LRRC28: variants seen among roughly 807,000 people sequenced by gnomAD.
LRRC28 encodes the protein leucine-rich repeat-containing protein 28.
A neutral mutation model predicts 45.7 loss-of-function variants in LRRC28; 39 were observed. The observed-to-expected ratio is 0.85, with a 90% CI of 0.66 to 1.12. LRRC28 has a LOEUF of 1.12. Ranked by LOEUF, LRRC28 falls within the 50% of genes most tolerant of loss-of-function variation. LRRC28 has a pLI of 0.00. For synonymous variants in LRRC28, 206 were observed against 178.8 expected (o/e 1.15, Z -1.22); for missense variants, 435 against 438.5 (o/e 0.99, Z 0.07).
At chr15:99,260,460 G>A (rs1212883163) in intron 2 of LRRC28, among the ~76,000 whole-genome samples, 2 of 152,126 alleles carry the variant, frequency 1.3e-5, no homozygotes, top group African/African-American at 4.8e-5. Flanking sequence ...TGTTTATAAT[G>A]ATGTATGTAT....
chr15:99,358,415 G>A (rs916619509), intron 7 of LRRC28, among the ~76,000 whole-genome samples: 1 of 152,066 alleles, frequency 6.6e-6, no homozygotes, highest in Non-Finnish European at 1.5e-5. Flanking sequence ...TCTCTGGAAG[G>A]CTTTAGGGAA....
Position 99,284,237 on chromosome 15 carries a change from C to T in LRRC28, c.210-3020C>T, listed in dbSNP as rs1458425554. ...GATGGTTTTGGGTACCAATAAGACC[C>T]CTGGTGATTCTAATGTGCAGTCAGG... On this transcript the variant is annotated intron_variant, in intron 3 of 9. Coordinates refer to ENST00000301981, the MANE Select transcript of LRRC28 (RefSeq NM_144598.5). Among the ~76,000 whole-genome samples, 4 of 152,034 alleles carry T rather than the reference C, an allele frequency of 2.6e-5. No homozygotes were observed. The East Asian group carries it at 5.8e-4, about 22-fold the overall frequency.
chr15:99,281,815 A>G (rs1277437502), intron 3 of LRRC28, among the ~76,000 whole-genome samples: 1 of 152,186 alleles, frequency 6.6e-6, no homozygotes, highest in African/African-American at 2.4e-5. Context: ...TGAGCTTTCC[A>G]GGATCTCTCT....
chr15:99,256,303 G>A (rs1362700325), intron 2 of LRRC28, 178 bp downstream of exon 2: 3 of 484,974 alleles, frequency 6.2e-6, no homozygotes, highest in African/African-American at 2.0e-5. Flanking sequence ...ATCCAAGTTC[G>A]TGCAGTTATG....
chr15:99,310,342 A>T (rs1343235495), intron 5 of LRRC28, among the ~76,000 whole-genome samples: 3 of 152,260 alleles, frequency 2.0e-5, no homozygotes, highest in Non-Finnish European at 4.4e-5. Flanking sequence ...GAATTTTAAA[A>T]ACCAACATTT....
chr15:99,347,231 A>G (rs958409975), intron 6 of LRRC28, among the ~76,000 whole-genome samples: 4 of 145,402 alleles, frequency 2.8e-5, no homozygotes, highest in African/African-American at 7.7e-5. Context: ...CTTTTTTTAG[A>G]TGGAGTCTCC....
At chr15:99,290,250 C>G (rs956837089) in intron 5 of LRRC28, among the ~76,000 whole-genome samples, 4 of 148,340 alleles carry the variant, frequency 2.7e-5, no homozygotes, top group African/African-American at 7.4e-5. Context: ...CAGAGTGAGA[C>G]CCTGCCTCAA....
In LRRC28 at chr15:99,334,402, AGTGTGTGT is replaced by A. The variant is rs57298947; in HGVS notation, c.592+304_592+311del. On this transcript the variant is annotated intron_variant, in intron 6 of 9. Transcript: ENST00000301981. ...ATTTCCTCAGAGAAAGGAATTAAAG[AGTGTGTGT>A]GTGTGTGTGTGTGTGTGTGTGTGTG... 1.0e-3 allele frequency among the ~76,000 whole-genome samples: 146 copies of A among 144,688 alleles called. 1 individual carries two copies. The highest frequency in any genetic ancestry group is 2.7e-3 in the Admixed American group (39 of 14,428). 94.9% of individuals were successfully genotyped at this position (144,688 alleles called of 152,430 possible).
chr15:99,277,852 T>G (rs1448063843), intron 3 of LRRC28, among the ~76,000 whole-genome samples: 1 of 152,186 alleles, frequency 6.6e-6, no homozygotes, highest in Non-Finnish European at 1.5e-5. Flanking sequence ...TTTTGCATCC[T>G]TTAGGTACTT....
intron 5 of LRRC28, among the ~76,000 whole-genome samples, chr15:99,329,733 G>A (rs1956098591): frequency 6.6e-6 from 1 of 152,176 alleles, no homozygotes; most frequent in Non-Finnish European, 1.5e-5. Context: ...ATATTCAGTG[G>A]TTGACCCATC....
chr15:99,350,573 T>C (rs1956847011), intron 6 of LRRC28, among the ~76,000 whole-genome samples: 1 of 152,224 alleles, frequency 6.6e-6, no homozygotes, highest in African/African-American at 2.4e-5. Flanking sequence ...TATTCATAGC[T>C]ACATTTCCAA....
intron 9 of LRRC28, among the ~76,000 whole-genome samples, chr15:99,379,286 A>G (rs1957743177): frequency 6.6e-6 from 1 of 152,134 alleles, no homozygotes; most frequent in Admixed American, 6.5e-5. Context: ...GTGTCCAGGA[A>G]TTTATCCATT....
chr15:99,260,638 T>C (rs1334454863), intron 2 of LRRC28, among the ~76,000 whole-genome samples: 1 of 152,234 alleles, frequency 6.6e-6, no homozygotes, highest in Non-Finnish European at 1.5e-5. Context: ...AGCACAGTTT[T>C]TGACAACAGG....
At chr15:99,367,990 T>C (rs1158447446) in intron 9 of LRRC28, among the ~76,000 whole-genome samples, 1 of 152,122 alleles carries the variant, frequency 6.6e-6, no homozygotes, top group Non-Finnish European at 1.5e-5. Flanking sequence ...AGCCACCAGT[T>C]GTCTCATTAG....
At chr15:99,321,011 A>G (rs1440065593) in intron 5 of LRRC28, among the ~76,000 whole-genome samples, 1 of 152,202 alleles carries the variant, frequency 6.6e-6, no homozygotes, top group Admixed American at 6.5e-5. Flanking sequence ...GTCATTGAGT[A>G]TGTTACTCAG....
At position 99,373,889 on chromosome 15, in the gene LRRC28, T is replaced by G. The variant is rs1395546063; in HGVS notation, c.1031+10624T>G. On this transcript the variant is annotated intron_variant, in intron 9 of 9. Transcript: ENST00000301981. ...AAATCTTTACCTACCCCCAAGGTCA[T>G]GAAGCCTATATAAATCTCTGTTAAT... 2.0e-5 allele frequency among the ~76,000 whole-genome samples: 3 copies of G among 152,228 alleles called. No individual in the cohort carries two copies. The East Asian group carries it at 5.8e-4, about 29-fold the overall frequency.
At chr15:99,258,401 T>C (rs2081090901) in intron 2 of LRRC28, 1 of 980,328 alleles carries the variant, frequency 1.0e-6, no homozygotes, top group Admixed American at 1.8e-5. Context: ...TTACCTTGCA[T>C]TGGATACAAT....
At chr15:99,283,652 T>C (rs568182884) in intron 3 of LRRC28, among the ~76,000 whole-genome samples, 88 of 147,120 alleles carry the variant, frequency 6.0e-4, no homozygotes, top group African/African-American at 2.0e-3. Context: ...CCATGGTACA[T>C]TTGTCAAAAC....
chr15:99,377,681 A>C (rs557087632), intron 9 of LRRC28, among the ~76,000 whole-genome samples: 2,784 of 152,194 alleles, frequency 0.018, 92 homozygotes, highest in African/African-American at 0.064. Context: ...TTTAGGTCTA[A>C]TGTTTAAGTC....
Sources: gnomAD v4.1 joint callset for allele counts (sites outside exome capture counted in the v4.1 genomes callset) on GRCh38, gnomAD v4.1.1 for gene constraint, MANE v1.5 for transcripts, NCBI Gene and HGNC (gene_info 2026-07-23, HGNC 2026-07-21) for gene names.